PCDHGB5: variants seen among roughly 807,000 people sequenced by gnomAD.
PCDHGB5 encodes the protein protocadherin gamma subfamily B, 5.
In PCDHGB5, 48 loss-of-function variants were observed where a neutral mutation model predicts 62.9. The ratio of observed to expected loss-of-function variants is 0.76; its 90% confidence interval spans 0.61 to 0.97. PCDHGB5 has a LOEUF of 0.97. PCDHGB5 is among the 50% of genes least tolerant of loss of function. The pLI, the probability that PCDHGB5 is intolerant of heterozygous loss-of-function variation, is 0.00. For synonymous variants in PCDHGB5, 474 were observed against 511.2 expected (o/e 0.93, Z 0.98); for missense variants, 1,118 against 1,198.6 (o/e 0.93, Z 0.99).
At chr5:141,423,076 C>A in intron 1 of PCDHGB5, 1 of 1,614,128 alleles carries the variant, frequency 6.2e-7, no homozygotes, top group Non-Finnish European at 8.5e-7. Context: ...CGAGCCGGGA[C>A]TCTTCGCGGT....
At chr5:141,439,524 A>T (rs774174912) in intron 1 of PCDHGB5, among the ~76,000 whole-genome samples, 2 of 152,114 alleles carry the variant, frequency 1.3e-5, no homozygotes, top group Admixed American at 6.5e-5. Flanking sequence ...AACTAACTCT[A>T]CAGAACGCTG....
chr5:141,472,579 G>T (rs1172183592), intron 1 of PCDHGB5, among the ~76,000 whole-genome samples: 3 of 151,928 alleles, frequency 2.0e-5, no homozygotes, highest in Non-Finnish European at 4.4e-5. Context: ...GCATCTCATT[G>T]GTCAGAAGCT....
In PCDHGB5 at chr5:141,404,317, C is replaced by T. The variant is rs375857083; in HGVS notation, c.2397+3793C>T. On this transcript the variant is annotated intron_variant, in intron 1 of 3. Transcript: ENST00000617380. ...ATAATCCACCTGCTTTCTCTCAAGC[C>T]TCCTACTCAGTCTACCTCCCGGAAA... 6.2e-6 allele frequency: 10 copies of T among 1,613,780 alleles called. No homozygotes were observed. In the African/African-American group the frequency reaches 1.2e-4, roughly 19 times the overall value.
In PCDHGB5 at chr5:141,485,632, G is replaced by A. The variant is rs1335265010; in HGVS notation, c.2398-9175G>A. On this transcript the variant is annotated intron_variant, in intron 1 of 3. Transcript: ENST00000617380. This position sits in a 1 kb window ranked among gnomAD's most constrained non-coding sequence, Gnocchi z 5.7. ...CAGCTCCTCCAGGACAGCGTTTCCCGTTGGAAAAGGCTCAGGATGCAGATG... is the reference window on the plus strand; with the variant it reads ...CAGCTCCTCCAGGACAGCGTTTCCCATTGGAAAAGGCTCAGGATGCAGATG... 1.2e-6 allele frequency: 2 copies of A among 1,611,766 alleles called. No homozygotes were observed. The highest frequency in any genetic ancestry group is 1.7e-6 in the Non-Finnish European group (2 of 1,178,342).
At chr5:141,472,295 A>G (rs147192748) in intron 1 of PCDHGB5, among the ~76,000 whole-genome samples, 8,225 of 152,254 alleles carry the variant, frequency 0.054, 462 homozygotes, top group African/African-American at 0.15. Flanking sequence ...TAATCCCAGC[A>G]CTTTGGGAAG....
chr5:141,427,855 G>T (rs2097079766), intron 1 of PCDHGB5: 1 of 1,553,826 alleles, frequency 6.4e-7, no homozygotes, highest in Non-Finnish European at 8.8e-7. Flanking sequence ...GAGCAGCTGT[G>T]CGCCTTCGAG....
chr5:141,417,518 G>C (rs193231266), intron 1 of PCDHGB5: 8 of 257,454 alleles, frequency 3.1e-5, no homozygotes, highest in Non-Finnish European at 5.1e-5. Context: ...TATTTTGGCT[G>C]TCAACTCGTA....
chr5:141,419,523 G>T (rs553587727), intron 1 of PCDHGB5: 21 of 1,612,086 alleles, frequency 1.3e-5, no homozygotes, highest in East Asian at 2.2e-5. Flanking sequence ...GTGGGCGACC[G>T]TAACGACAAC....
At chr5:141,462,584 A>C (rs959398950) in intron 1 of PCDHGB5, among the ~76,000 whole-genome samples, 1 of 152,124 alleles carries the variant, frequency 6.6e-6, no homozygotes, top group African/African-American at 2.4e-5. Context: ...CATCCAGTGA[A>C]GTTTCCATTT....
intron 1 of PCDHGB5, chr5:141,475,839 CAG>C: frequency 2.3e-6 from 1 of 433,254 alleles, no homozygotes; most frequent in Non-Finnish European, 4.1e-6. Flanking sequence ...GTGTCCTGCT[CAG>C]AGAGCCCGGC....
intron 1 of PCDHGB5, among the ~76,000 whole-genome samples, chr5:141,484,319 C>T (rs1191113560): frequency 6.6e-6 from 1 of 152,212 alleles, no homozygotes; most frequent in Non-Finnish European, 1.5e-5. Context: ...CGCTTCCATA[C>T]TGTCCTTGAA....
Position 141,399,954 on chromosome 5 carries a change from G to A in PCDHGB5, c.1827G>A (p.Glu609=), listed in dbSNP as rs1327007587. 3.7e-6 allele frequency: 6 copies of A among 1,612,110 alleles called. No homozygotes were observed. Among genetic ancestry groups the A allele is most frequent in the Non-Finnish European group, 4.2e-6 (5 of 1,179,712 alleles). The change falls in exon 1 of 4, where the codon GAG becomes GAA. Residue 609 remains glutamate, a synonymous_variant. Transcript: ENST00000617380. ...WLSYHVLQAS[E]PGLFSLGLRT... The stretch of plus-strand genomic sequence containing the variant: ...CCTACCACGTGCTGCAGGCTAGCGA[G>A]CCCGGGCTCTTCAGCCTGGGGCTGC...
At chr5:141,425,021 CT>C (rs1561817318) in intron 1 of PCDHGB5, among the ~76,000 whole-genome samples, 1 of 152,054 alleles carries the variant, frequency 6.6e-6, no homozygotes, top group Non-Finnish European at 1.5e-5. Context: ...AGGAATTTAC[CT>C]TATGTCATTA....
intron 1 of PCDHGB5, chr5:141,441,529 A>C (rs1042479748): frequency 4.6e-5 from 8 of 172,366 alleles, no homozygotes; most frequent in African/African-American, 1.9e-4. Flanking sequence ...GGCCAAGAAC[A>C]ATCTTCCCAA....
At chr5:141,475,715 C>T (rs989484033) in intron 1 of PCDHGB5, among the ~76,000 whole-genome samples, 1 of 152,366 alleles carries the variant, frequency 6.6e-6, no homozygotes, top group African/African-American at 2.4e-5. Context: ...AGCCTCACAG[C>T]CCCAAGGCTG....
At chr5:141,474,854 T>G (rs1007461186) in intron 1 of PCDHGB5, among the ~76,000 whole-genome samples, 3 of 152,260 alleles carry the variant, frequency 2.0e-5, no homozygotes, top group African/African-American at 7.2e-5. Flanking sequence ...CCTGCCTTCT[T>G]CATTTAATAG....
chr5:141,468,339 A>G (rs1320544911), intron 1 of PCDHGB5: 2 of 151,348 alleles, frequency 1.3e-5, no homozygotes, highest in Non-Finnish European at 2.9e-5. Context: ...TCAAAAAAAA[A>G]AAAAAAAAAA....
chr5:141,419,350 G>A, intron 1 of PCDHGB5: 1 of 1,613,848 alleles, frequency 6.2e-7, no homozygotes, highest in Non-Finnish European at 8.5e-7. Context: ...GCGACCTGGA[G>A]TCACGAACGC....
In PCDHGB5 at chr5:141,511,352, C is replaced by A. The variant is rs2099883742; in HGVS notation, c.*179C>A. The A allele has an allele frequency of 3.6e-6, 5 of 1,381,248 alleles. No homozygotes were observed. The highest frequency in any genetic ancestry group is 2.7e-4 in the Middle Eastern group (1 of 3,772). 85.6% of individuals were successfully genotyped at this position (1,381,248 alleles called of 1,614,324 possible). ...CAGTCAGCACCTACCCCTTCCCCCCCAGGGGGTTGAATATGCAAAAGCAGT... is the reference window on the plus strand; with the variant it reads ...CAGTCAGCACCTACCCCTTCCCCCCAAGGGGGTTGAATATGCAAAAGCAGT... On this transcript the variant is annotated 3_prime_UTR_variant, in exon 4 of 4. Coordinates refer to ENST00000617380, the MANE Select transcript of PCDHGB5 (RefSeq NM_018925.3).
Sources: gnomAD v4.1 joint callset for allele counts (sites outside exome capture counted in the v4.1 genomes callset) on GRCh38, gnomAD v4.1.1 for gene constraint, Gnocchi (gnomAD v3.1) non-coding constraint, MANE v1.5 for transcripts, NCBI Gene and HGNC (gene_info 2026-07-23, HGNC 2026-07-21) for gene names.